Variants in ZFC3H1 observed in about 807,000 individuals in gnomAD.
ZFC3H1 encodes zinc finger C3H1-type containing.
In ZFC3H1, 71 loss-of-function variants were observed where a neutral mutation model predicts 243.7. The ratio of observed to expected loss-of-function variants is 0.29; its 90% CI spans 0.24 to 0.36. The LOEUF (loss-of-function observed/expected upper bound fraction) is 0.36. Among genes scored for constraint, ZFC3H1 ranks in the 10% least tolerant of loss-of-function variants. The pLI is 1.00. For synonymous variants in ZFC3H1, 838 were observed against 813.0 expected (o/e 1.03, Z -0.52); for missense variants, 1,966 against 2,317.1 (o/e 0.85, Z 3.11).
At position 71,663,323 on chromosome 12, in the gene ZFC3H1, G is replaced by A. The variant is rs370238622; in HGVS notation, c.288C>T (p.Gly96=). ...GGTAGCTGCTGGGTCCCCTGAGGTG[G>A]CCCCGCTCAGACGCGTGCCGCGAGC... ...FSRSRHASER[G]HLRGPSSYRP... is the part of the protein sequence containing the mutation. The change falls in exon 1 of 35, where the codon GGC becomes GGT. Residue 96 remains glycine, a synonymous_variant. Coordinates refer to ENST00000378743, the MANE Select transcript of ZFC3H1 (RefSeq NM_144982.5). 9 of 1,613,168 alleles carry A rather than the reference G, an allele frequency of 5.6e-6. No homozygotes were observed. Among genetic ancestry groups the A allele is most frequent in the Non-Finnish European group, 7.6e-6 (9 of 1,180,044 alleles).
chr12:71,634,754 C>A lies in ZFC3H1; in HGVS notation c.2310G>T (p.Leu770Phe). 6.2e-7 allele frequency: 1 copy of A among 1,605,686 alleles called. No homozygotes were observed. Among genetic ancestry groups the A allele is most frequent in the Non-Finnish European group, 8.5e-7 (1 of 1,176,580 alleles). Residue 770 changes from leucine (L) to phenylalanine (F), a missense_variant, in exon 11 of 35, where the codon TTG becomes TTT. Transcript: ENST00000378743. ...ENDPLRTPEA[L>F]PEEKKIEYRL... is the part of the protein sequence containing the mutation. ...TATATTCAATCTTCTTTTCTTCAGG[C>A]AAAGCCTCCGGTGTTCGCAGAGGAT...
intron 27 of ZFC3H1, among the ~76,000 whole-genome samples, chr12:71,619,060 A>T (rs1879961490): frequency 6.6e-6 from 1 of 152,236 alleles, no homozygotes; most frequent in South Asian, 2.1e-4. Flanking sequence ...ACGATAAAGT[A>T]AAAGAATGAG....
intron 27 of ZFC3H1, 101 bp downstream of exon 27, chr12:71,619,214 A>T (rs1879964709): frequency 9.0e-6 from 9 of 1,005,228 alleles, no homozygotes; most frequent in Middle Eastern, 4.5e-4. Context: ...AAGTACTAAA[A>T]AGTCAGTCTA....
intron 2 of ZFC3H1, among the ~76,000 whole-genome samples, chr12:71,651,035 GC>G (rs1412688213): frequency 6.6e-6 from 1 of 152,102 alleles, no homozygotes; most frequent in African/African-American, 2.4e-5. Context: ...GTTCAGCGAT[GC>G]CCAAACTTCA....
intron 20 of ZFC3H1, 25 bp downstream of exon 20, chr12:71,628,893 G>T: frequency 6.4e-7 from 1 of 1,563,732 alleles, no homozygotes; most frequent in South Asian, 1.2e-5. Context: ...AATAATTCTG[G>T]ATCTTAAATT....
chr12:71,625,785 A>T (rs1444672236), intron 22 of ZFC3H1, among the ~76,000 whole-genome samples: 2 of 152,192 alleles, frequency 1.3e-5, no homozygotes, highest in South Asian at 4.1e-4. Context: ...GCAATTTTAG[A>T]TATTAGTGTG....
At position 71,638,661 on chromosome 12, in the gene ZFC3H1, T is replaced by A. The variant is rs943181706; in HGVS notation, c.1628-146A>T. On this transcript the variant is annotated intron_variant, in intron 6 of 34. Coordinates refer to ENST00000378743, the MANE Select transcript of ZFC3H1 (RefSeq NM_144982.5). ...TCTGATAAAATCTTTAAACCCCTCATGAGTCCACCTCCAGCCATTTAAAAT... is the reference window on the plus strand; with the variant it reads ...TCTGATAAAATCTTTAAACCCCTCAAGAGTCCACCTCCAGCCATTTAAAAT... The A allele has an allele frequency of 2.4e-4, 156 of 637,994 alleles. 1 individual carries two copies. In the East Asian group the frequency reaches 4.6e-3, roughly 19 times the overall value. The allele number at this position is 637,994 out of a possible 1,614,324, so 39.5% of individuals were successfully genotyped here.
At chr12:71,662,835 A>G in intron 1 of ZFC3H1, 178 bp downstream of exon 1, 1 of 718,586 alleles carries the variant, frequency 1.4e-6, no homozygotes, top group Admixed American at 2.4e-5. Context: ...AGCAGTCTTA[A>G]GAATAACGCT....
intron 3 of ZFC3H1, among the ~76,000 whole-genome samples, chr12:71,645,526 G>A (rs1880707672): frequency 6.6e-6 from 1 of 152,156 alleles, no homozygotes; most frequent in African/African-American, 2.4e-5. Context: ...GAGAACAACA[G>A]ACACACTGAA....
chr12:71,638,552 A>C, intron 6 of ZFC3H1, 37 bp from the exon 7 acceptor site: 1 of 1,466,966 alleles, frequency 6.8e-7, no homozygotes, highest in South Asian at 1.2e-5. Flanking sequence ...TTAATAACAG[A>C]AATACTTCAT....
Position 71,629,787 on chromosome 12 carries a change from C to A in ZFC3H1, c.3725-77G>T, listed in dbSNP as rs1880274930. 4.2e-6 allele frequency: 4 copies of A among 945,990 alleles called. No homozygotes were observed. The East Asian group carries it at 7.4e-5, about 18-fold the overall frequency. The allele number at this position is 945,990 out of a possible 1,614,324, so 58.6% of individuals were successfully genotyped here. A position where few individuals can be genotyped will look rare whatever the true frequency, so the allele number is the denominator to read the frequency against. On this transcript the variant is annotated intron_variant, in intron 18 of 34. Transcript: ENST00000378743. ...GGATAATTAAAATGTATGACGTGAACTAGTTTAAGAATTAAAGGCGATTAT... is the reference window on the plus strand; with the variant it reads ...GGATAATTAAAATGTATGACGTGAAATAGTTTAAGAATTAAAGGCGATTAT...
chr12:71,652,526 T>C (rs995747526), intron 2 of ZFC3H1, among the ~76,000 whole-genome samples: 1 of 152,242 alleles, frequency 6.6e-6, no homozygotes, highest in Non-Finnish European at 1.5e-5. Flanking sequence ...TCTACTCATT[T>C]GATTCCTTCT....
chr12:71,609,873 G>A lies in ZFC3H1; in HGVS notation c.*555C>T, dbSNP rs1055767197. The A allele has an allele frequency of 3.9e-5, 6 of 152,580 alleles. No individual in the cohort carries two copies. The highest frequency in any genetic ancestry group is 8.8e-5 in the Non-Finnish European group (6 of 68,060). The allele number at this position is 152,580 out of a possible 1,614,324, so 9.5% of individuals were successfully genotyped here. ...AAGGGTAATAAACAACCCTGATAGA[G>A]CATTCAAGTGCAACTAGCAGACTTG... On this transcript the variant is annotated 3_prime_UTR_variant, in exon 35 of 35. Transcript: ENST00000378743.
At chr12:71,634,959 T>A in intron 10 of ZFC3H1, 134 bp from the exon 11 acceptor site, 1 of 1,095,950 alleles carries the variant, frequency 9.1e-7, no homozygotes, top group Non-Finnish European at 1.2e-6. Context: ...TCATTTTCTA[T>A]TCTTTTTTCT....
intron 6 of ZFC3H1, among the ~76,000 whole-genome samples, chr12:71,640,925 G>A (rs995137060): frequency 2.6e-5 from 4 of 151,168 alleles, no homozygotes; most frequent in Non-Finnish European, 5.9e-5. Context: ...TTTAATACAA[G>A]ATAAAGTGAA....
Position 71,647,814 on chromosome 12 carries a change from C to A in ZFC3H1, c.1016-1G>T. The A allele has an allele frequency of 1.7e-6, 2 of 1,209,560 alleles. No individual in the cohort carries two copies. The highest frequency in any genetic ancestry group is 2.3e-6 in the Non-Finnish European group (2 of 854,624). The allele number at this position is 1,209,560 out of a possible 1,614,324, so 74.9% of individuals were successfully genotyped here. On this transcript the variant is annotated splice_acceptor_variant, in intron 2 of 34. Transcript: ENST00000378743. LOFTEE classifies it high-confidence loss of function. Reference sequence around the variant, plus strand: ...AAATTTTGTTCTTTATCTTGTAATCCTTTAAAATAAAATAATATCTTTTGA... The same window carrying A: ...AAATTTTGTTCTTTATCTTGTAATCATTTAAAATAAAATAATATCTTTTGA...
rs550027287 is a variant in ZFC3H1 at position 71,626,979 on chromosome 12, A to AAC, written c.4131-535_4131-534dup. On this transcript the variant is annotated intron_variant, in intron 21 of 34. Transcript: ENST00000378743. ...ACTCAGTAAATGAGTCAGAAAAGAA[A>AAC]ACACTGTAACTTATCCCATTAACAT... is the stretch of plus-strand genomic sequence containing the variant. Among the ~76,000 whole-genome samples, 965 of 152,348 alleles carry AAC rather than the reference A, an allele frequency of 6.3e-3. 15 individuals carry two copies. Among genetic ancestry groups the AAC allele is most frequent in the Non-Finnish European group, 7.8e-3 (530 of 68,018 alleles).
chr12:71,646,429 AC>A (rs1243308608), intron 3 of ZFC3H1, among the ~76,000 whole-genome samples: 3 of 152,214 alleles, frequency 2.0e-5, no homozygotes, highest in Non-Finnish European at 2.9e-5. Context: ...TACCTAAGCC[AC>A]ACTAATCACT....
At chr12:71,648,771 T>C (rs577210070) in intron 2 of ZFC3H1, among the ~76,000 whole-genome samples, 1 of 152,298 alleles carries the variant, frequency 6.6e-6, no homozygotes, top group African/African-American at 2.4e-5. Flanking sequence ...TGTGAATTTG[T>C]TGCAACATGA....
Sources: gnomAD v4.1 joint callset for allele counts (sites outside exome capture counted in the v4.1 genomes callset) on GRCh38, gnomAD v4.1.1 for gene constraint, MANE v1.5 for transcripts, NCBI Gene and HGNC (gene_info 2026-07-23, HGNC 2026-07-21) for gene names.